Variants in HAO1 observed in about 807,000 individuals in gnomAD.
HAO1 encodes 2-Hydroxyacid oxidase 1.
In HAO1, 34 loss-of-function variants were observed where a neutral mutation model predicts 39.7. That is an observed-to-expected ratio of 0.86 (90% CI 0.65 to 1.14). The LOEUF (loss-of-function observed/expected upper bound fraction) is 1.14. HAO1 is among the 50% of genes most tolerant of loss of function. The pLI is 0.00. For missense variants in HAO1, 479 were observed against 464.5 expected (o/e 1.03, Z -0.29); for synonymous variants, 172 against 173.2 (o/e 0.99, Z 0.05).
chr20:7,903,290 C>CTT (rs36037568), intron 4 of HAO1, among the ~76,000 whole-genome samples: 224 of 144,616 alleles, frequency 1.5e-3, no homozygotes, highest in African/African-American at 4.9e-3. Flanking sequence ...CTCTCCTTAT[C>CTT]TTTTTTTTTT....
At chr20:7,913,174 T>TG (rs1048773964) in intron 3 of HAO1, among the ~76,000 whole-genome samples, 10 of 151,018 alleles carry the variant, frequency 6.6e-5, no homozygotes, top group African/African-American at 1.2e-4. Flanking sequence ...TTTTTTGTTT[T>TG]TTTTTTTTTT....
At chr20:7,903,941 A>T (rs779622272) in intron 4 of HAO1, among the ~76,000 whole-genome samples, 11 of 152,074 alleles carry the variant, frequency 7.2e-5, no homozygotes, top group Non-Finnish European at 1.5e-5. Context: ...ATGAAGATCT[A>T]GAAACCAAAA....
chr20:7,914,434 G>A lies in HAO1; in HGVS notation c.290-15C>T. ...GGACTGACAGGCTGAGAAAGAAAGG[G>A]GATGATCAAGATGGGCCTGGCATTG... On this transcript the variant is annotated splice_polypyrimidine_tract_variant and intron_variant, in intron 2 of 7. Transcript: ENST00000378789. 1 of 1,611,082 alleles carries A rather than the reference G, an allele frequency of 6.2e-7. No homozygotes were observed. The highest frequency in any genetic ancestry group is 8.5e-7 in the Non-Finnish European group (1 of 1,178,210).
At chr20:7,919,797 TC>T (rs1432114959) in intron 2 of HAO1, among the ~76,000 whole-genome samples, 1 of 152,214 alleles carries the variant, frequency 6.6e-6, no homozygotes, top group Non-Finnish European at 1.5e-5. Context: ...TGTATGTATT[TC>T]TAATTTTGCC....
intron 2 of HAO1, among the ~76,000 whole-genome samples, chr20:7,923,956 A>T (rs967293785): frequency 2.0e-5 from 3 of 152,168 alleles, no homozygotes; most frequent in Non-Finnish European, 2.9e-5. Flanking sequence ...GAGCAATGGC[A>T]GTGAAGTTGG....
rs957234866 is a variant in HAO1 at position 7,903,858 on chromosome 20, C to T, written c.721+2296G>A. 1.9e-3 allele frequency among the ~76,000 whole-genome samples: 111 copies of T among 57,608 alleles called. 1 individual carries two copies. The highest frequency in any genetic ancestry group is 0.011 in the Admixed American group (55 of 5,014). 37.8% of individuals were successfully genotyped at this position (57,608 alleles called of 152,430 possible). Reference sequence around the variant, plus strand: ...GTCCTGGTAATGGAGATTGTGGTAGCGGTGGTGGTGGTGGTGGTGGTGGTG... The same window carrying T: ...GTCCTGGTAATGGAGATTGTGGTAGTGGTGGTGGTGGTGGTGGTGGTGGTG... On this transcript the variant is annotated intron_variant, in intron 4 of 7. Transcript: ENST00000378789.
intron 5 of HAO1, among the ~76,000 whole-genome samples, chr20:7,886,137 C>CA (rs997635848): frequency 6.6e-6 from 1 of 151,962 alleles, no homozygotes; most frequent in African/African-American, 2.4e-5. Flanking sequence ...AGATTGTCAT[C>CA]AAAAAATTAT....
chr20:7,924,893 G>A (rs2050352038), intron 2 of HAO1, among the ~76,000 whole-genome samples: 1 of 152,106 alleles, frequency 6.6e-6, no homozygotes, highest in East Asian at 1.9e-4. Flanking sequence ...AACGCATTTT[G>A]TCATCTGCAC....
chr20:7,883,646 C>G lies in HAO1; in HGVS notation c.1060G>C (p.Val354Leu). The change falls in exon 8 of 8, where the codon GTC becomes CTC. Residue 354 changes from valine (V) to leucine (L), a missense_variant. By Grantham distance (32) the Val-to-Leu change is conservative (BLOSUM62 1). Transcript: ENST00000378789. ...MALSGCQNVK[V>L]IDKTLVRKNP... ...TTCCTCACCAATGTCTTGTCGATGA[C>G]TTTCACATTCTGGCACCCTGAAAAA... 1 of 1,611,926 alleles carries G rather than the reference C, an allele frequency of 6.2e-7. No individual in the cohort carries two copies. The highest frequency in any genetic ancestry group is 8.5e-7 in the Non-Finnish European group (1 of 1,178,108).
At chr20:7,910,683 C>A (rs2122773187) in intron 3 of HAO1, among the ~76,000 whole-genome samples, 1 of 152,268 alleles carries the variant, frequency 6.6e-6, no homozygotes, top group South Asian at 2.1e-4. Flanking sequence ...CAGGAAAAAT[C>A]TTCCCATCTC....
At chr20:7,909,327 C>A (rs1454904631) in intron 3 of HAO1, among the ~76,000 whole-genome samples, 2 of 140,266 alleles carry the variant, frequency 1.4e-5, no homozygotes, top group Non-Finnish European at 3.0e-5. Flanking sequence ...CCAAAAGAAA[C>A]CTCCATGAAT....
intron 3 of HAO1, among the ~76,000 whole-genome samples, chr20:7,907,504 C>T (rs1313100088): frequency 6.6e-6 from 1 of 152,200 alleles, no homozygotes; most frequent in African/African-American, 2.4e-5. Context: ...CTTTGCCTCA[C>T]TTTCCTACTC....
intron 3 of HAO1, among the ~76,000 whole-genome samples, chr20:7,913,947 C>T (rs1170524801): frequency 1.3e-5 from 2 of 152,160 alleles, no homozygotes; most frequent in Admixed American, 1.3e-4. Flanking sequence ...AAGCCAAAGC[C>T]CTTAATGCAC....
At chr20:7,925,365 A>T (rs1433742459) in intron 2 of HAO1, among the ~76,000 whole-genome samples, 1 of 152,150 alleles carries the variant, frequency 6.6e-6, no homozygotes, top group Non-Finnish European at 1.5e-5. Flanking sequence ...ATCTTGAGTG[A>T]TCACACTGCC....
At chr20:7,926,181 A>C (rs2142698) in intron 2 of HAO1, among the ~76,000 whole-genome samples, 7,324 of 152,134 alleles carry the variant, frequency 0.048, 202 homozygotes, top group Non-Finnish European at 0.065. Context: ...TTAGGTTCAA[A>C]CCCCATCACC....
Position 7,906,174 on chromosome 20 carries a change from A to T in HAO1, c.701T>A (p.Val234Asp), listed in dbSNP as rs143718983. The T allele has an allele frequency of 1.2e-6, 2 of 1,612,892 alleles. No individual in the cohort carries two copies. The highest frequency in any genetic ancestry group is 1.7e-6 in the Non-Finnish European group (2 of 1,178,928). The change falls in exon 4 of 8, where the codon GTT becomes GAT. Residue 234 changes from valine (V) to aspartate (D), a missense_variant. Transcript: ENST00000378789. Reference sequence around the variant, plus strand: ...CGAACCTCTCAAAATGCCCTTTGCAACAATTGGCAATGATGTCAGTCTTCT... The same window carrying T: ...CGAACCTCTCAAAATGCCCTTTGCATCAATTGGCAATGATGTCAGTCTTCT... ...WLRRLTSLPI[V>D]AKGILRGDDA...
At chr20:7,934,399 G>T in intron 2 of HAO1, 85 bp downstream of exon 2, 1 of 975,028 alleles carries the variant, frequency 1.0e-6, no homozygotes. Flanking sequence ...AAACATCAAG[G>T]AACATATTTG....
Position 7,940,411 on chromosome 20 carries a change from C to T in HAO1, c.12G>A (p.Arg4=). The T allele has an allele frequency of 6.2e-7, 1 of 1,605,580 alleles. No homozygotes were observed. The highest frequency in any genetic ancestry group is 8.5e-7 in the Non-Finnish European group (1 of 1,177,612). MLP[R]LICINDYEQH... Reference sequence around the variant, plus strand: ...GTTCATAATCATTGATACAAATTAGCCGGGGGAGCATTTTCACAGGTTATT... The same window carrying T: ...GTTCATAATCATTGATACAAATTAGTCGGGGGAGCATTTTCACAGGTTATT... Residue 4 remains arginine (R), a synonymous_variant, in exon 1 of 8, where the codon CGG becomes CGA. Coordinates refer to ENST00000378789, the MANE Select transcript of HAO1 (RefSeq NM_017545.3).
chr20:7,913,994 A>G (rs2050293664), intron 3 of HAO1, among the ~76,000 whole-genome samples, 170 bp downstream of exon 3: 1 of 152,184 alleles, frequency 6.6e-6, no homozygotes, highest in South Asian at 2.1e-4. Flanking sequence ...TATAGAGGCC[A>G]TTTCTGTTTC....
Sources: allele counts gnomAD v4.1 joint callset (sites outside exome capture counted in the v4.1 genomes callset), GRCh38; gene constraint gnomAD v4.1.1; transcripts MANE v1.5; gene names NCBI Gene and HGNC (gene_info 2026-07-23, HGNC 2026-07-21).